The following GTF2F2 variants were observed in gnomAD, a reference collection of about 807,000 sequenced individuals.
GTF2F2 encodes ATP-dependent helicase GTF2F2.
GTF2F2 carries 23 observed loss-of-function variants against 42.2 expected under a neutral mutation model. The observed-to-expected ratio is 0.55, with a 90% CI of 0.39 to 0.77. The LOEUF is 0.77. GTF2F2 is among the 30% of genes least tolerant of loss of function. The pLI is 0.00. For synonymous variants in GTF2F2, 105 were observed against 100.8 expected, an observed-to-expected ratio of 1.04 and a Z score of -0.25; for missense variants, 261 against 287.2, an observed-to-expected ratio of 0.91 and a Z score of 0.66.
intron 6 of GTF2F2, among the ~76,000 whole-genome samples, chr13:45,264,976 T>G (rs562568778): frequency 1.3e-5 from 2 of 152,226 alleles, no homozygotes; most frequent in East Asian, 3.9e-4. Flanking sequence ...AACTTGAGAC[T>G]GAGGCCAGGC....
At chr13:45,211,828 C>T (rs1335570334) in intron 5 of GTF2F2, among the ~76,000 whole-genome samples, 1 of 151,968 alleles carries the variant, frequency 6.6e-6, no homozygotes, top group South Asian at 2.1e-4. Context: ...TCAGGTGATC[C>T]GCCCACCTCG....
chr13:45,190,427 A>G (rs1376580588), intron 4 of GTF2F2, among the ~76,000 whole-genome samples: 3 of 152,178 alleles, frequency 2.0e-5, no homozygotes, highest in Non-Finnish European at 4.4e-5. Flanking sequence ...TCTAGGTGTT[A>G]GGGATATAAG....
intron 4 of GTF2F2, among the ~76,000 whole-genome samples, chr13:45,158,108 T>C (rs939108410): frequency 1.3e-5 from 2 of 152,226 alleles, no homozygotes; most frequent in African/African-American, 4.8e-5. Context: ...TGATATGGTT[T>C]GTCTCTGTCC....
intron 1 of GTF2F2, among the ~76,000 whole-genome samples, chr13:45,132,433 G>GTT (rs112267600): frequency 0.16 from 23,491 of 143,666 alleles, 2,221 homozygotes; most frequent in Non-Finnish European, 0.22. Flanking sequence ...TGTCATTAGT[G>GTT]TTTTTTTTTT....
At chr13:45,120,929 C>G (rs1322277550) in intron 1 of GTF2F2, among the ~76,000 whole-genome samples, 1 of 152,180 alleles carries the variant, frequency 6.6e-6, no homozygotes, top group Non-Finnish European at 1.5e-5. Flanking sequence ...CAGCCAGTTA[C>G]TACTCTGAAT....
chr13:45,154,002 A>AGTTAAAGAGTT (rs1555264932), intron 4 of GTF2F2, among the ~76,000 whole-genome samples: 16 of 143,446 alleles, frequency 1.1e-4, no homozygotes, highest in Admixed American at 6.9e-4. Flanking sequence ...AAAAAAAAAG[A>AGTTAAAGAGTT]GTTAAAGAGT....
chr13:45,247,377 A>G (rs1875681147), intron 5 of GTF2F2, among the ~76,000 whole-genome samples: 1 of 151,486 alleles, frequency 6.6e-6, no homozygotes, highest in Non-Finnish European at 1.5e-5. Context: ...ATTCTGTTAG[A>G]CAGATACCTG....
chr13:45,213,651 T>C (rs941811383), intron 5 of GTF2F2, among the ~76,000 whole-genome samples: 2 of 151,584 alleles, frequency 1.3e-5, no homozygotes, highest in African/African-American at 4.8e-5. Context: ...CCTCTTAGTC[T>C]CCCTGTCTCC....
chr13:45,151,851 T>C lies in GTF2F2; in HGVS notation c.304+20T>C. The C allele has an allele frequency of 1.6e-6, 2 of 1,240,544 alleles. No homozygotes were observed. Among genetic ancestry groups the C allele is most frequent in the Admixed American group, 2.5e-5 (1 of 39,898 alleles). 76.8% of individuals were successfully genotyped at this position (1,240,544 alleles called of 1,614,324 possible). A position where few individuals can be genotyped will look rare whatever the true frequency, so the allele number is the denominator to read the frequency against. ...CATCAGGTAAGTGGGAATGGAATTATTTAATGTGATTCCTGTACATTTTGT... is the reference window on the plus strand; with the variant it reads ...CATCAGGTAAGTGGGAATGGAATTACTTAATGTGATTCCTGTACATTTTGT... On this transcript the variant is annotated intron_variant, in intron 4 of 7. Transcript: ENST00000340473.
At chr13:45,191,215 C>CAAAAAAAAAA (rs1158010068) in intron 4 of GTF2F2, among the ~76,000 whole-genome samples, 34 of 74,816 alleles carry the variant, frequency 4.5e-4, no homozygotes, top group Non-Finnish European at 5.9e-4. Flanking sequence ...ACTAAAAATA[C>CAAAAAAAAAA]AAAAAAAAAA....
intron 5 of GTF2F2, among the ~76,000 whole-genome samples, chr13:45,252,276 A>G (rs1361476124): frequency 6.6e-6 from 1 of 152,130 alleles, no homozygotes; most frequent in East Asian, 1.9e-4. Flanking sequence ...CTGAGTAACT[A>G]GGACTACAGG....
rs1415902888 is a variant in GTF2F2 at position 45,120,679 on chromosome 13, C to T, written c.24C>T (p.Asp8=). The change falls in exon 1 of 8, where the codon GAC becomes GAT. Residue 8 remains aspartate (D), a synonymous_variant. Coordinates refer to ENST00000340473, the MANE Select transcript of GTF2F2 (RefSeq NM_004128.3). MAERGEL[D]LTGAKQNTGV... Reference sequence around the variant, plus strand: ...CCATGGCCGAGCGCGGGGAACTCGACTTGACCGGCGCCAAACAGAACACAG... The same window carrying T: ...CCATGGCCGAGCGCGGGGAACTCGATTTGACCGGCGCCAAACAGAACACAG... 3 of 1,561,234 alleles carry T rather than the reference C, an allele frequency of 1.9e-6. No homozygotes were observed. The highest frequency in any genetic ancestry group is 2.6e-6 in the Non-Finnish European group (3 of 1,151,832).
At chr13:45,142,356 C>T (rs1869968423) in intron 2 of GTF2F2, among the ~76,000 whole-genome samples, 1 of 152,096 alleles carries the variant, frequency 6.6e-6, no homozygotes, top group Admixed American at 6.6e-5. Context: ...TTAGTAGAGA[C>T]AGGGTTTCAC....
intron 6 of GTF2F2, among the ~76,000 whole-genome samples, chr13:45,267,017 C>T (rs1310901806): frequency 2.0e-5 from 3 of 152,026 alleles, no homozygotes; most frequent in Non-Finnish European, 2.9e-5. Context: ...GGCGTAGTGG[C>T]GGGCACCTGT....
intron 5 of GTF2F2, among the ~76,000 whole-genome samples, chr13:45,234,384 C>T (rs1427012314): frequency 6.6e-6 from 1 of 152,126 alleles, no homozygotes; most frequent in African/African-American, 2.4e-5. Context: ...ATTTGTAAAT[C>T]ATCAACTATT....
chr13:45,247,055 A>T (rs978047776), intron 5 of GTF2F2, among the ~76,000 whole-genome samples: 1 of 143,906 alleles, frequency 6.9e-6, no homozygotes, highest in Non-Finnish European at 1.5e-5. Context: ...AAAAAAAAAA[A>T]GTTAAGCTTC....
Position 45,183,351 on chromosome 13 carries a change from A to G in GTF2F2, c.305-24073A>G, listed in dbSNP as rs1373641783. 1.3e-5 allele frequency among the ~76,000 whole-genome samples: 2 copies of G among 152,162 alleles called. 1 individual carries two copies. The highest frequency in any genetic ancestry group is 4.8e-5 in the African/African-American group (2 of 41,408). On this transcript the variant is annotated intron_variant, in intron 4 of 7. Transcript: ENST00000340473. The stretch of plus-strand genomic sequence containing the variant: ...GTCCTTGTGTGCTATGGCATTTCCA[A>G]GGTCATCAGCAGGCCTTTGCCATTG...
intron 4 of GTF2F2, among the ~76,000 whole-genome samples, chr13:45,165,327 A>ATT (rs1227410406): frequency 3.0e-5 from 4 of 133,236 alleles, no homozygotes; most frequent in East Asian, 2.1e-4. Flanking sequence ...ATATATATAT[A>ATT]TATATTTTTT....
chr13:45,278,083 G>C (rs575725889), intron 7 of GTF2F2, among the ~76,000 whole-genome samples: 4 of 152,270 alleles, frequency 2.6e-5, no homozygotes, highest in Admixed American at 6.5e-5. Context: ...TGCAGATTAA[G>C]TCCTCCATTT....
Sources: gnomAD v4.1 joint callset for allele counts (sites outside exome capture counted in the v4.1 genomes callset) on GRCh38, gnomAD v4.1.1 for gene constraint, MANE v1.5 for transcripts, NCBI Gene and HGNC (gene_info 2026-07-23, HGNC 2026-07-21) for gene names.